Variants in EPC2 observed in about 807,000 individuals in gnomAD.
EPC2 encodes enhancer of polycomb 2, also known as enhancer of polycomb homolog 2.
Under a neutral mutation model 92.1 loss-of-function variants are expected in EPC2, and 14 were observed. That is an observed-to-expected ratio of 0.15 (90% CI 0.10 to 0.24). The LOEUF (loss-of-function observed/expected upper bound fraction) is 0.24, where lower values mean the gene tolerates loss of function less well. Among genes scored for constraint, EPC2 ranks in the 10% least tolerant of loss-of-function variants. EPC2 has a pLI of 1.00. For missense variants in EPC2, 755 were observed against 971.5 expected, an observed-to-expected ratio of 0.78 and a Z score of 2.96; for synonymous variants, 340 against 334.7, an observed-to-expected ratio of 1.02 and a Z score of -0.17.
chr2:148,697,762 GC>G (rs1205656876), intron 2 of EPC2, among the ~76,000 whole-genome samples: 2 of 152,194 alleles, frequency 1.3e-5, no homozygotes, highest in East Asian at 3.8e-4. Flanking sequence ...AAAAGGGTCA[GC>G]CAGGACCTTT....
chr2:148,733,418 T>G (rs1682685021), intron 2 of EPC2, among the ~76,000 whole-genome samples: 1 of 150,810 alleles, frequency 6.6e-6, no homozygotes, highest in Non-Finnish European at 1.5e-5. Context: ...CTATCACATA[T>G]TCTTCTCCTT....
intron 1 of EPC2, among the ~76,000 whole-genome samples, chr2:148,647,560 G>C (rs1683827926): frequency 6.6e-6 from 1 of 151,228 alleles, no homozygotes; most frequent in Non-Finnish European, 1.5e-5. Context: ...ACCCGCCTCG[G>C]CCTCCCAAAT....
chr2:148,746,305 C>T (rs1315105812), intron 3 of EPC2, among the ~76,000 whole-genome samples: 1 of 152,048 alleles, frequency 6.6e-6, no homozygotes, highest in East Asian at 1.9e-4. Flanking sequence ...ACAGTCCCCT[C>T]AAGTTTATCC....
intron 1 of EPC2, chr2:148,645,529 T>C (rs1418929491): frequency 8.7e-6 from 2 of 229,154 alleles, no homozygotes; most frequent in African/African-American, 4.6e-5. Flanking sequence ...GGCTAATTAA[T>C]GGCGTGGTAT....
chr2:148,663,207 TA>T (rs1680977593), intron 1 of EPC2, among the ~76,000 whole-genome samples: 1 of 144,796 alleles, frequency 6.9e-6, no homozygotes, highest in Admixed American at 6.9e-5. Context: ...TTATTATTAT[TA>T]TTATTATTAT....
intron 2 of EPC2, among the ~76,000 whole-genome samples, chr2:148,729,928 T>A (rs955786099): frequency 6.6e-6 from 1 of 152,190 alleles, no homozygotes; most frequent in East Asian, 1.9e-4. Flanking sequence ...TAATATAAAA[T>A]GTGAATTTTG....
At chr2:148,680,418 C>T (rs1681371101) in intron 1 of EPC2, among the ~76,000 whole-genome samples, 1 of 152,154 alleles carries the variant, frequency 6.6e-6, no homozygotes, top group African/African-American at 2.4e-5. Context: ...AATAGGTGTT[C>T]TCAAGTGTAT....
At chr2:148,725,788 T>C (rs1472630668) in intron 2 of EPC2, among the ~76,000 whole-genome samples, 2 of 152,120 alleles carry the variant, frequency 1.3e-5, no homozygotes, top group Non-Finnish European at 2.9e-5. Flanking sequence ...GTTTCACATG[T>C]GGTTTTTTTT....
At chr2:148,718,801 G>A (rs1682306556) in intron 2 of EPC2, among the ~76,000 whole-genome samples, 1 of 152,170 alleles carries the variant, frequency 6.6e-6, no homozygotes, top group Non-Finnish European at 1.5e-5. Flanking sequence ...GTAAGTTGGG[G>A]AAGTTCTCCT....
At chr2:148,769,301 C>T (rs962469632) in intron 8 of EPC2, 61 bp downstream of exon 8, 1 of 1,168,016 alleles carries the variant, frequency 8.6e-7, no homozygotes, top group African/African-American at 1.5e-5. Context: ...TAACCCATGT[C>T]AAGATGACTT....
intron 1 of EPC2, among the ~76,000 whole-genome samples, chr2:148,676,188 A>G (rs1056627438): frequency 2.0e-5 from 3 of 152,092 alleles, no homozygotes; most frequent in Non-Finnish European, 2.9e-5. Context: ...AGGGGAAAAT[A>G]AAAAGTAGAA....
intron 3 of EPC2, among the ~76,000 whole-genome samples, chr2:148,744,305 T>C (rs905970181): frequency 1.3e-5 from 2 of 152,098 alleles, no homozygotes; most frequent in Non-Finnish European, 2.9e-5. Context: ...CCTAAAAATA[T>C]TTATGCACTT....
intron 2 of EPC2, among the ~76,000 whole-genome samples, chr2:148,716,207 A>G (rs1682258393): frequency 6.6e-6 from 1 of 152,120 alleles, no homozygotes; most frequent in Non-Finnish European, 1.5e-5. Context: ...ATTTGAATAC[A>G]CTTTATTTAT....
intron 10 of EPC2, among the ~76,000 whole-genome samples, chr2:148,773,357 T>C (rs185476459): frequency 2.0e-5 from 3 of 152,228 alleles, no homozygotes; most frequent in Admixed American, 2.0e-4. Flanking sequence ...ATTCTTACCT[T>C]TACCTTACCA....
intron 1 of EPC2, among the ~76,000 whole-genome samples, chr2:148,657,838 G>T (rs1680836811): frequency 6.6e-6 from 1 of 151,792 alleles, no homozygotes; most frequent in Non-Finnish European, 1.5e-5. Flanking sequence ...CTTTCCTTGT[G>T]GTCTAATTTA....
chr2:148,699,366 G>A (rs560111964), intron 2 of EPC2, among the ~76,000 whole-genome samples: 19 of 152,084 alleles, frequency 1.2e-4, no homozygotes, highest in East Asian at 1.9e-4. Context: ...TGAAAAATGC[G>A]TAACATGGAT....
At chr2:148,658,194 C>T (rs1680845868) in intron 1 of EPC2, among the ~76,000 whole-genome samples, 1 of 151,996 alleles carries the variant, frequency 6.6e-6, no homozygotes, top group African/African-American at 2.4e-5. Context: ...AACTCACAGC[C>T]GGCAGCATTG....
chr2:148,681,188 CA>C (rs1681385410), intron 1 of EPC2, among the ~76,000 whole-genome samples: 1 of 152,186 alleles, frequency 6.6e-6, no homozygotes, highest in African/African-American at 2.4e-5. Context: ...GTTACAAAAA[CA>C]GATATAAACG....
chr2:148,650,188 T>C (rs2105349065), intron 1 of EPC2, among the ~76,000 whole-genome samples: 1 of 152,320 alleles, frequency 6.6e-6, no homozygotes, highest in East Asian at 1.9e-4. Context: ...ACATAATACA[T>C]GCTTGCAAAA....
Sources: allele counts gnomAD v4.1 joint callset (sites outside exome capture counted in the v4.1 genomes callset), GRCh38; gene constraint gnomAD v4.1.1; transcripts MANE v1.5; gene names NCBI Gene and HGNC (gene_info 2026-07-23, HGNC 2026-07-21).